NEMF: variants seen among roughly 807,000 people sequenced by gnomAD.
The protein encoded by NEMF is nuclear export mediator factor, also known as ribosome quality control complex subunit NEMF.
A neutral mutation model predicts 162.2 loss-of-function variants in NEMF; 89 were observed. The ratio of observed to expected loss-of-function variants is 0.55; its 90% CI spans 0.46 to 0.65. NEMF has a LOEUF of 0.65. Ranked by LOEUF, NEMF falls within the 30% of genes least tolerant of loss-of-function variation. The pLI is 0.00. For synonymous variants in NEMF, 421 were observed against 404.5 expected, an observed-to-expected ratio of 1.04 and a Z score of -0.49; for missense variants, 1,133 against 1,261.9, an observed-to-expected ratio of 0.90 and a Z score of 1.55.
At chr14:49,839,745 T>C (rs1893098525) in intron 5 of NEMF, 1 of 152,274 alleles carries the variant, frequency 6.6e-6, no homozygotes, top group East Asian at 1.9e-4. Context: ...CGGCAGCACA[T>C]ATACTAAAAT....
In NEMF at chr14:49,826,239, A is replaced by G. The variant is rs757370533; in HGVS notation, c.1489-284T>C. ...ATACCTTGTCATTTTCTAGATACTG[A>G]GTACCTATCATATGCTTGGTTCTAG... On this transcript the variant is annotated intron_variant, in intron 15 of 32. Transcript: ENST00000298310. Among the ~76,000 whole-genome samples, 101 of 152,192 alleles carry G rather than the reference A, an allele frequency of 6.6e-4. 3 individuals carry two copies. The highest frequency in any genetic ancestry group is 1.8e-4 in the Non-Finnish European group (12 of 68,032).
At chr14:49,812,234 T>C (rs1477359777) in intron 18 of NEMF, among the ~76,000 whole-genome samples, 1 of 152,174 alleles carries the variant, frequency 6.6e-6, no homozygotes, top group East Asian at 1.9e-4. Flanking sequence ...TTATAATCCT[T>C]TCAATATCTG....
At chr14:49,843,868 G>A (rs1234480844) in intron 4 of NEMF, among the ~76,000 whole-genome samples, 1 of 152,224 alleles carries the variant, frequency 6.6e-6, no homozygotes, top group Non-Finnish European at 1.5e-5. Flanking sequence ...GGAGGCCAAG[G>A]CGAGCAGATC....
Position 49,795,879 on chromosome 14 carries a change from T to C in NEMF, c.2531A>G (p.Lys844Arg). Reference protein sequence around the residue: ...GDLEALEGKDKEKESTVHIET... With the variant: ...GDLEALEGKDREKESTVHIET... ...AATGTGTACAGTACTTTCTTTTTCTTTATCCTTTCCCTCTAACGCTTCTAA... is the reference window on the plus strand; with the variant it reads ...AATGTGTACAGTACTTTCTTTTTCTCTATCCTTTCCCTCTAACGCTTCTAA... The change falls in exon 26 of 33, where the codon AAA becomes AGA. Residue 844 changes from lysine to arginine, a missense_variant. Physicochemically the swap from Lys to Arg is conservative, Grantham distance 26. This residue lies in a region of NEMF where 532 missense variants were observed against 578.6 expected (regional missense o/e 0.92). Coordinates refer to ENST00000298310, the MANE Select transcript of NEMF (RefSeq NM_004713.6). The C allele has an allele frequency of 6.2e-7, 1 of 1,613,390 alleles. No individual in the cohort carries two copies. Among genetic ancestry groups the C allele is most frequent in the Non-Finnish European group, 8.5e-7 (1 of 1,179,588 alleles).
chr14:49,826,551 A>C (rs1892358536), intron 15 of NEMF, among the ~76,000 whole-genome samples: 1 of 151,904 alleles, frequency 6.6e-6, no homozygotes, highest in South Asian at 2.1e-4. Flanking sequence ...AAAAAAAAAA[A>C]AAAAAAAAAG....
intron 18 of NEMF, among the ~76,000 whole-genome samples, chr14:49,813,766 G>C (rs1421277452): frequency 6.6e-6 from 1 of 151,414 alleles, no homozygotes; most frequent in Admixed American, 6.6e-5. Context: ...ACTGCACCCA[G>C]CTTTTTAAAA....
intron 11 of NEMF, 63 bp from the exon 12 acceptor site, chr14:49,829,489 T>G: frequency 7.5e-7 from 1 of 1,327,216 alleles, no homozygotes; most frequent in Non-Finnish European, 1.1e-6. Context: ...CATCCCTCTC[T>G]TACTTCCCAA....
chr14:49,800,302 T>C (rs545055844), intron 23 of NEMF, 118 bp downstream of exon 23: 237 of 827,348 alleles, frequency 2.9e-4, no homozygotes, highest in Non-Finnish European at 4.1e-4. Context: ...GTTGAAAAAG[T>C]ATTAAGACAA....
In NEMF at chr14:49,828,660, A is replaced by T; in HGVS notation, c.1380T>A (p.Leu460=). Residue 460 remains leucine, a synonymous_variant, in exon 14 of 33, where the codon CTT becomes CTA. Transcript: ENST00000298310. ...CTGACAAGCTGAGATCAACATCTACAAGTAAGGGCTTATTTTTCTGAGGCT... is the reference window on the plus strand; with the variant it reads ...CTGACAAGCTGAGATCAACATCTACTAGTAAGGGCTTATTTTTCTGAGGCT... ...LQKPQKNKPL[L]VDVDLSLSAY... is the part of the protein sequence containing the mutation. The T allele has an allele frequency of 6.3e-7, 1 of 1,591,432 alleles. No individual in the cohort carries two copies.
In NEMF at chr14:49,851,841, C is replaced by A. The variant is rs1385000316; in HGVS notation, c.94G>T (p.Val32Leu). 1 of 1,587,592 alleles carries A rather than the reference C, an allele frequency of 6.3e-7. No homozygotes were observed. Among genetic ancestry groups the A allele is most frequent in the East Asian group, 2.2e-5 (1 of 44,742 alleles). ...LGMRVNNVYD[V>L]DNKTYLIRLQ... Reference sequence around the variant, plus strand: ...CGAATAAGGTATGTCTTATTATCCACATCATAAACATTGTTTACTCTCATT... The same window carrying A: ...CGAATAAGGTATGTCTTATTATCCAAATCATAAACATTGTTTACTCTCATT... Residue 32 changes from valine to leucine, a missense_variant, in exon 2 of 33, where the codon GTG (valine) becomes TTG (leucine). By Grantham distance (32) the Val-to-Leu change is conservative. Around this residue, in one of 3 missense-constraint regions of NEMF, gnomAD observed 582 missense variants for 631.5 expected, o/e 0.92. Coordinates refer to ENST00000298310, the MANE Select transcript of NEMF (RefSeq NM_004713.6).
At chr14:49,793,546 C>G (rs1384834012) in intron 26 of NEMF, among the ~76,000 whole-genome samples, 1 of 152,128 alleles carries the variant, frequency 6.6e-6, no homozygotes. Context: ...AGAAAATAAT[C>G]TAAAAGTTTA....
intron 23 of NEMF, 119 bp downstream of exon 23, chr14:49,800,301 G>C: frequency 2.4e-6 from 2 of 824,494 alleles, no homozygotes; most frequent in Admixed American, 2.9e-5. Flanking sequence ...TGTTGAAAAA[G>C]TATTAAGACA....
chr14:49,852,787 C>G lies in NEMF; in HGVS notation c.-34G>C, dbSNP rs748811429. The G allele has an allele frequency of 1.2e-6, 2 of 1,612,834 alleles. No individual in the cohort carries two copies. The highest frequency in any genetic ancestry group is 8.5e-7 in the Non-Finnish European group (1 of 1,179,000). On this transcript the variant is annotated 5_prime_UTR_variant, in exon 1 of 33. Transcript: ENST00000298310. ...CCGAGGGTCACTACCGCAAGTTCCT[C>G]TACTGCCCGGCCGGACTCGACGCCA... is the stretch of plus-strand genomic sequence containing the variant.
chr14:49,818,756 C>CA (rs1415909267), intron 16 of NEMF, among the ~76,000 whole-genome samples: 2 of 151,918 alleles, frequency 1.3e-5, no homozygotes, highest in African/African-American at 4.8e-5. Context: ...CTAAGACTCT[C>CA]AGCCTATTAT....
At position 49,782,497 on chromosome 14, in the gene NEMF, G is replaced by T; in HGVS notation, c.*2139C>A. On this transcript the variant is annotated 3_prime_UTR_variant, in exon 33 of 33. Transcript: ENST00000298310. ...TTCACATTATTACTGAAACTTACTT[G>T]CAAAGCATTTGCTTTTAAATGTGTT... 1 of 1,596,064 alleles carries T rather than the reference G, an allele frequency of 6.3e-7. No individual in the cohort carries two copies. Among genetic ancestry groups the T allele is most frequent in the East Asian group, 2.2e-5 (1 of 44,706 alleles).
At chr14:49,824,680 C>T (rs952545109) in intron 16 of NEMF, among the ~76,000 whole-genome samples, 3 of 151,944 alleles carry the variant, frequency 2.0e-5, no homozygotes, top group Non-Finnish European at 2.9e-5. Flanking sequence ...CCACCCACCT[C>T]ACCCTCCCAG....
chr14:49,815,054 G>T (rs1010214557), intron 16 of NEMF, among the ~76,000 whole-genome samples, 197 bp from the exon 17 acceptor site: 1 of 151,972 alleles, frequency 6.6e-6, no homozygotes, highest in Non-Finnish European at 1.5e-5. Context: ...TTAGAAAAAA[G>T]AAATTAAATT....
chr14:49,832,961 A>G (rs1892716712), intron 8 of NEMF, among the ~76,000 whole-genome samples: 1 of 152,174 alleles, frequency 6.6e-6, no homozygotes, highest in Non-Finnish European at 1.5e-5. Context: ...TAAACCAACA[A>G]AAACTTTTAA....
chr14:49,787,708 T>A (rs1890242527), intron 28 of NEMF, among the ~76,000 whole-genome samples: 1 of 152,140 alleles, frequency 6.6e-6, no homozygotes, highest in South Asian at 2.1e-4. Context: ...CACCTACTCA[T>A]GAAAGAACAT....
Sources: gnomAD v4.1 joint callset for allele counts (sites outside exome capture counted in the v4.1 genomes callset) on GRCh38, gnomAD v4.1.1 for gene constraint, gnomAD v4.1.1 regional missense constraint, MANE v1.5 for transcripts, NCBI Gene and HGNC (gene_info 2026-07-23, HGNC 2026-07-21) for gene names.